The following PNLDC1 variants were observed in gnomAD, a reference collection of about 807,000 sequenced individuals.
PNLDC1 encodes PARN like ribonuclease domain containing exonuclease 1.
In PNLDC1, 70 loss-of-function variants were observed where a neutral mutation model predicts 82.0. The ratio of observed to expected loss-of-function variants is 0.85; its 90% CI spans 0.70 to 1.04. The LOEUF (loss-of-function observed/expected upper bound fraction) is 1.04. Ranked by LOEUF, PNLDC1 falls within the 50% of genes least tolerant of loss-of-function variation. The pLI is 0.00. For synonymous variants in PNLDC1, 280 were observed against 249.3 expected (o/e 1.12, Z -1.16); for missense variants, 631 against 661.1 (o/e 0.95, Z 0.50).
At chr6:159,813,325 A>G (rs1367876920) in intron 11 of PNLDC1, among the ~76,000 whole-genome samples, 2 of 152,012 alleles carry the variant, frequency 1.3e-5, no homozygotes, top group Non-Finnish European at 2.9e-5. Flanking sequence ...TCCTGTGTTT[A>G]TGGGTAATCT....
chr6:159,803,136 T>C, intron 3 of PNLDC1, 135 bp from the exon 4 acceptor site: 2 of 649,886 alleles, frequency 3.1e-6, no homozygotes, highest in Non-Finnish European at 5.2e-6. Flanking sequence ...TTTTTTGTCA[T>C]TAAAGATGTT....
chr6:159,799,488 G>A (rs190374765), upstream of PNLDC1, among the ~76,000 whole-genome samples: 98 of 152,112 alleles, frequency 6.4e-4, no homozygotes, highest in Middle Eastern at 6.8e-3. Flanking sequence ...TGTTTTCTCC[G>A]CTAACCTTAA....
Position 159,808,848 on chromosome 6 carries a change from G to A in PNLDC1, c.639+32G>A, listed in dbSNP as rs770878327. The A allele has an allele frequency of 5.0e-6, 8 of 1,610,410 alleles. No homozygotes were observed. In the East Asian group the frequency reaches 1.3e-4, roughly 27 times the overall value. On this transcript the variant is annotated intron_variant, in intron 8 of 18. Coordinates refer to ENST00000392167, the MANE Select transcript of PNLDC1 (RefSeq NM_001271862.2). ...TCTCACTGCGAACGGGGCATCAGTGGCTCCATTGTTTCTCTCTCATAATTG... is the reference window on the plus strand; with the variant it reads ...TCTCACTGCGAACGGGGCATCAGTGACTCCATTGTTTCTCTCTCATAATTG...
In PNLDC1 at chr6:159,800,827, C is replaced by T. The variant is rs1781221053; in HGVS notation, c.132C>T (p.Ile44=). Residue 44 remains isoleucine, a splice_region_variant and synonymous_variant, in exon 2 of 19, where the codon ATC becomes ATT. Transcript: ENST00000392167. ...LRSNLSGPQQ[I]SLFDLPSEWY... is the part of the protein sequence containing the mutation. The stretch of plus-strand genomic sequence containing the variant: ...CTAACCTGTCTGGGCCCCAGCAGAT[C>T]AGGTAAAACTAAAGCTGTGTCCCCT... 13 of 1,614,158 alleles carry T rather than the reference C, an allele frequency of 8.1e-6. No homozygotes were observed. The highest frequency in any genetic ancestry group is 1.0e-5 in the Non-Finnish European group (12 of 1,180,018).
At chr6:159,811,436 G>A (rs1023360249) in intron 10 of PNLDC1, among the ~76,000 whole-genome samples, 4 of 151,934 alleles carry the variant, frequency 2.6e-5, no homozygotes, top group East Asian at 1.9e-4. Flanking sequence ...CTAGAGCTTC[G>A]CAAACTACAT....
rs754173962 is a variant in PNLDC1 at position 159,803,302 on chromosome 6, G to A, written c.240G>A (p.Glu80=). The A allele has an allele frequency of 1.2e-5, 20 of 1,613,808 alleles. No individual in the cohort carries two copies. In the Admixed American group the frequency reaches 3.3e-4, roughly 27 times the overall value. ...CTGTGTTTTCCGCTATTGAAGGAGA[G>A]GCAAACAAGTATGTATCAAGAGCTT... ...GLSVFSAIEG[E]ANKYIAHSCN... is the part of the protein sequence containing the mutation. The change falls in exon 4 of 19, where the codon GAG becomes GAA. Residue 80 remains glutamate (E), a synonymous_variant. Transcript: ENST00000392167.
intron 6 of PNLDC1, 46 bp from the exon 7 acceptor site, chr6:159,805,937 G>A: frequency 9.9e-6 from 14 of 1,413,310 alleles, no homozygotes; most frequent in Non-Finnish European, 1.3e-5. Flanking sequence ...TTGCGGTTCT[G>A]AAGTGTTTTT....
chr6:159,802,889 C>CTT (rs201440513), intron 3 of PNLDC1, among the ~76,000 whole-genome samples: 10 of 145,478 alleles, frequency 6.9e-5, no homozygotes, highest in African/African-American at 2.3e-4. Context: ...GGCCTGAAGT[C>CTT]TTTTTTTTTT....
chr6:159,800,581 GGCCAGA>G, intron 1 of PNLDC1, 185 bp from the exon 2 acceptor site: 1 of 1,474,780 alleles, frequency 6.8e-7, no homozygotes, highest in Non-Finnish European at 9.3e-7. Context: ...GTCCCTTGTT[GGCCAGA>G]GCCCCGTGCG....
chr6:159,810,056 C>G lies in PNLDC1; in HGVS notation c.814C>G (p.Leu272Val), dbSNP rs761513949. The change falls in exon 10 of 19, where the codon CTG becomes GTG. Residue 272 changes from leucine (L) to valine (V), a missense_variant. Transcript: ENST00000392167. ...AGTGGGACATAATATGATGATGGAC[C>G]TGCTGCACCTCCATGAGAAGTTCTT... Reference protein sequence around the residue: ...PLVGHNMMMDLLHLHEKFFRP... With the variant: ...PLVGHNMMMDVLHLHEKFFRP... 6.2e-7 allele frequency: 1 copy of G among 1,614,096 alleles called. No homozygotes were observed. The highest frequency in any genetic ancestry group is 1.7e-5 in the Admixed American group (1 of 60,026).
Position 159,818,657 on chromosome 6 carries a change from GAGT to G in PNLDC1, c.1257+6_1257+8del. ...TCCGAGCGGGGGTCCCAAAGATCGT[GAGT>G]AGATCTCATTTGGCCCCCTCGCCCC... On this transcript the variant is annotated splice_donor_5th_base_variant and intron_variant, in intron 16 of 18. Transcript: ENST00000392167. 1 of 1,612,072 alleles carries G rather than the reference GAGT, an allele frequency of 6.2e-7. No individual in the cohort carries two copies. The highest frequency in any genetic ancestry group is 1.3e-5 in the African/African-American group (1 of 74,962).
intron 10 of PNLDC1, among the ~76,000 whole-genome samples, chr6:159,810,309 T>A (rs780977189): frequency 1.3e-5 from 2 of 152,128 alleles, no homozygotes; most frequent in Non-Finnish European, 2.9e-5. Context: ...GGGGAAAAAA[T>A]TTAAATTTGA....
intron 2 of PNLDC1, 64 bp from the exon 3 acceptor site, chr6:159,801,049 C>G: frequency 6.4e-7 from 1 of 1,561,268 alleles, no homozygotes; most frequent in Non-Finnish European, 8.8e-7. Context: ...GGTCCTGCCG[C>G]GGAGGCCATA....
chr6:159,819,736 T>C lies in PNLDC1; in HGVS notation c.1532+384T>C, dbSNP rs7761229. 0.19 allele frequency among the ~76,000 whole-genome samples: 28,434 copies of C among 151,920 alleles called. 2,960 individuals carry two copies. The highest frequency in any genetic ancestry group is 0.23 in the African/African-American group (9,618 of 41,400). On this transcript the variant is annotated intron_variant, in intron 18 of 18. Coordinates refer to ENST00000392167, the MANE Select transcript of PNLDC1 (RefSeq NM_001271862.2). The surrounding 1 kb of genome is among the most constrained non-coding windows in gnomAD (Gnocchi z 4.6). The stretch of plus-strand genomic sequence containing the variant: ...CAGTTCAAAGGAGCTGATGGGGGTC[T>C]TCATTAGAGACTTGGAGTGAGCCAG...
At chr6:159,807,908 A>G (rs1274117087) in intron 7 of PNLDC1, among the ~76,000 whole-genome samples, 3 of 144,488 alleles carry the variant, frequency 2.1e-5, no homozygotes, top group Non-Finnish European at 4.5e-5. Context: ...TTGAGGCTGG[A>G]TTTTTTTTTT....
chr6:159,816,117 C>CCCACCCCCCTCCCCACCCCCCCG (rs1781807020), intron 13 of PNLDC1, 84 bp downstream of exon 13: 27 of 1,028,428 alleles, frequency 2.6e-5, no homozygotes, highest in South Asian at 4.6e-5. Context: ...CCCTGGTTCC[C>CCCACCCCCCTCCCCACCCCCCCG]CCACACCCCT....
In PNLDC1 at chr6:159,818,287, T is replaced by C. The variant is rs75326178; in HGVS notation, c.1158-268T>C. Among the ~76,000 whole-genome samples, 922 of 152,320 alleles carry C rather than the reference T, an allele frequency of 6.1e-3. 8 individuals carry two copies. Among genetic ancestry groups the C allele is most frequent in the African/African-American group, 0.021 (872 of 41,570 alleles). On this transcript the variant is annotated intron_variant, in intron 15 of 18. Transcript: ENST00000392167. ...CGCACTGATTCTCTGAGCCTATTGCTGTTTGTCACCAGTGGGACCCTCACC... is the reference window on the plus strand; with the variant it reads ...CGCACTGATTCTCTGAGCCTATTGCCGTTTGTCACCAGTGGGACCCTCACC...
At chr6:159,815,874 TA>T in intron 12 of PNLDC1, 94 bp from the exon 13 acceptor site, 2 of 972,670 alleles carry the variant, frequency 2.1e-6, no homozygotes, top group Non-Finnish European at 3.1e-6. Flanking sequence ...TCAGTACATT[TA>T]AAAAATTTAT....
At chr6:159,802,034 A>G (rs747060023) in intron 3 of PNLDC1, among the ~76,000 whole-genome samples, 4 of 151,768 alleles carry the variant, frequency 2.6e-5, no homozygotes, top group African/African-American at 7.3e-5. Context: ...ATTACAGGCA[A>G]TTGCCACCAG....
Sources: gnomAD v4.1 joint callset for allele counts (sites outside exome capture counted in the v4.1 genomes callset) on GRCh38, gnomAD v4.1.1 for gene constraint, Gnocchi (gnomAD v3.1) non-coding constraint, MANE v1.5 for transcripts, NCBI Gene and HGNC (gene_info 2026-07-23, HGNC 2026-07-21) for gene names.